Variants in SEMA5A observed in about 807,000 individuals in gnomAD.
The protein encoded by SEMA5A is semaphorin 5A.
In SEMA5A, 55 loss-of-function variants were observed where a neutral mutation model predicts 135.5. That is an observed-to-expected ratio of 0.41 (90% CI 0.33 to 0.51). SEMA5A has a LOEUF of 0.51. Among genes scored for constraint, SEMA5A ranks in the 20% least tolerant of loss-of-function variants. The pLI is 0.37. For synonymous variants in SEMA5A, 580 were observed against 546.5 expected (o/e 1.06, Z -0.85); for missense variants, 1,290 against 1,419.9 (o/e 0.91, Z 1.47).
At chr5:9,224,128 TA>T (rs1450266990) in intron 8 of SEMA5A, among the ~76,000 whole-genome samples, 1 of 152,190 alleles carries the variant, frequency 6.6e-6, no homozygotes, top group Non-Finnish European at 1.5e-5. Flanking sequence ...CTGCAGTGAA[TA>T]CTCGCCTCCT....
At chr5:9,514,135 G>A (rs149293122) in intron 1 of SEMA5A, among the ~76,000 whole-genome samples, 21 of 152,244 alleles carry the variant, frequency 1.4e-4, no homozygotes, top group East Asian at 1.4e-3. Context: ...ATCTACAAGG[G>A]AGGAGCAGGG....
chr5:9,320,204 T>G (rs988855886), intron 4 of SEMA5A, among the ~76,000 whole-genome samples: 2 of 152,016 alleles, frequency 1.3e-5, no homozygotes, highest in African/African-American at 4.8e-5. Context: ...CTTTCAAATC[T>G]CACCTCTGAT....
chr5:9,302,075 C>T (rs1335299471), intron 5 of SEMA5A, among the ~76,000 whole-genome samples: 1 of 152,148 alleles, frequency 6.6e-6, no homozygotes, highest in Non-Finnish European at 1.5e-5. Context: ...AATCCATCTT[C>T]ACATGGCTTG....
chr5:9,248,461 T>C (rs1748588901), intron 5 of SEMA5A, among the ~76,000 whole-genome samples: 1 of 151,750 alleles, frequency 6.6e-6, no homozygotes, highest in African/African-American at 2.4e-5. Context: ...CAACTTTGTG[T>C]ATATCTGAGG....
At chr5:9,380,744 G>T (rs1467940756) in intron 2 of SEMA5A, among the ~76,000 whole-genome samples, 1 of 152,182 alleles carries the variant, frequency 6.6e-6, no homozygotes, top group Non-Finnish European at 1.5e-5. Flanking sequence ...AGTAATACAG[G>T]CCTGTAAAAA....
chr5:9,214,398 CA>C (rs758668805), intron 8 of SEMA5A, among the ~76,000 whole-genome samples: 2 of 152,260 alleles, frequency 1.3e-5, no homozygotes, highest in East Asian at 1.9e-4. Flanking sequence ...TGCAGAGGAT[CA>C]GGGGGAAGGG....
intron 5 of SEMA5A, among the ~76,000 whole-genome samples, chr5:9,252,469 T>C (rs1421583212): frequency 6.6e-6 from 1 of 152,208 alleles, no homozygotes; most frequent in Non-Finnish European, 1.5e-5. Flanking sequence ...CGGATAAACA[T>C]GGATATTGTT....
At chr5:9,440,363 G>A (rs184476906) in intron 1 of SEMA5A, among the ~76,000 whole-genome samples, 1 of 152,340 alleles carries the variant, frequency 6.6e-6, no homozygotes, top group East Asian at 1.9e-4. Context: ...TTAAGCGACA[G>A]TTAACTACCC....
chr5:9,484,960 C>G (rs1703725403), intron 1 of SEMA5A, among the ~76,000 whole-genome samples: 1 of 152,050 alleles, frequency 6.6e-6, no homozygotes, highest in Non-Finnish European at 1.5e-5. Context: ...GGATGTGGAC[C>G]TGAATTTGAA....
chr5:9,288,829 T>A (rs976198200), intron 5 of SEMA5A, among the ~76,000 whole-genome samples: 1 of 152,204 alleles, frequency 6.6e-6, no homozygotes. Flanking sequence ...GTAAACTATA[T>A]CTCATTCATA....
chr5:9,059,413 C>T (rs1331065577), intron 18 of SEMA5A, among the ~76,000 whole-genome samples: 1 of 152,038 alleles, frequency 6.6e-6, no homozygotes, highest in Non-Finnish European at 1.5e-5. Context: ...TTAGATGGAC[C>T]CACAGAAGGT....
intron 1 of SEMA5A, among the ~76,000 whole-genome samples, chr5:9,452,532 C>T (rs540273599): frequency 6.6e-6 from 1 of 152,296 alleles, no homozygotes; most frequent in South Asian, 2.1e-4. Flanking sequence ...CCAGGGCAAA[C>T]AGGGTGGCAT....
chr5:9,366,737 A>G (rs535071809), intron 3 of SEMA5A, among the ~76,000 whole-genome samples: 133 of 152,322 alleles, frequency 8.7e-4, no homozygotes, highest in African/African-American at 2.6e-3. Context: ...GAAAGGAGGG[A>G]ATTTTCCTGA....
intron 2 of SEMA5A, among the ~76,000 whole-genome samples, chr5:9,431,910 C>T (rs1757869456): frequency 6.6e-6 from 1 of 152,164 alleles, no homozygotes; most frequent in South Asian, 2.1e-4. Context: ...CTTCACCACA[C>T]AGCTGTGATT....
Position 9,051,989 on chromosome 5 carries a change from G to A in SEMA5A, c.2729C>T (p.Ala910Val). ...GCGGGCGCGGACTTGGACGCCAGAG[G>A]CTTCACACTCAGACCAGTCCGACCA... The part of the protein sequence containing the change: ...SEWSDWSECE[A>V]SGVQVRARQC... The change falls in exon 20 of 23, where the codon GCC becomes GTC. Residue 910 changes from alanine to valine, a missense_variant. This residue lies in a region of SEMA5A where 1,029 missense variants were observed against 1,086.6 expected (regional missense o/e 0.95). Transcript: ENST00000382496. The A allele has an allele frequency of 6.2e-7, 1 of 1,613,596 alleles. No homozygotes were observed. Among genetic ancestry groups the A allele is most frequent in the South Asian group, 1.1e-5 (1 of 90,942 alleles).
At chr5:9,475,875 A>G (rs1759649981) in intron 1 of SEMA5A, among the ~76,000 whole-genome samples, 1 of 152,256 alleles carries the variant, frequency 6.6e-6, no homozygotes, top group Non-Finnish European at 1.5e-5. Context: ...AAACTATAGA[A>G]TGACACAGGT....
intron 5 of SEMA5A, among the ~76,000 whole-genome samples, chr5:9,270,739 G>A (rs2150538239): frequency 6.6e-6 from 1 of 151,818 alleles, no homozygotes; most frequent in Non-Finnish European, 1.5e-5. Flanking sequence ...CCAGGACAAG[G>A]TTAAGGAGCT....
At chr5:9,193,023 T>C (rs1260620447) in intron 10 of SEMA5A, among the ~76,000 whole-genome samples, 1 of 152,180 alleles carries the variant, frequency 6.6e-6, no homozygotes, top group Non-Finnish European at 1.5e-5. Flanking sequence ...GTCATCTTTA[T>C]TTATATATCG....
At chr5:9,340,109 A>G (rs1012607203) in intron 3 of SEMA5A, among the ~76,000 whole-genome samples, 1 of 152,240 alleles carries the variant, frequency 6.6e-6, no homozygotes, top group Non-Finnish European at 1.5e-5. Flanking sequence ...TTTCAGGTGA[A>G]AAATTTCCAA....
Sources: allele counts gnomAD v4.1 joint callset (sites outside exome capture counted in the v4.1 genomes callset), GRCh38; gene constraint gnomAD v4.1.1; regional missense constraint gnomAD v4.1.1; transcripts MANE v1.5; gene names NCBI Gene and HGNC (gene_info 2026-07-23, HGNC 2026-07-21).